The following NCOR1 variants were observed in gnomAD, a reference collection of about 807,000 sequenced individuals.
NCOR1 encodes nuclear receptor corepressor 1, also known as protein phosphatase 1, regulatory subunit 109.
In NCOR1, 63 loss-of-function variants were observed where a neutral mutation model predicts 288.1. The ratio of observed to expected loss-of-function variants is 0.22; its 90% CI spans 0.18 to 0.27. The LOEUF is 0.27. Ranked by LOEUF, NCOR1 falls within the 10% of genes least tolerant of loss-of-function variation. NCOR1 has a pLI of 1.00. For missense variants in NCOR1, 2,397 were observed against 3,019.2 expected (o/e 0.79, Z 4.83); for synonymous variants, 1,007 against 1,065.9 (o/e 0.94, Z 1.08).
At chr17:16,074,711 A>ATATTTCTCAATGTT (rs1228952302) in intron 27 of NCOR1, among the ~76,000 whole-genome samples, 2,727 of 152,302 alleles carry the variant, frequency 0.018, 85 homozygotes, top group African/African-American at 0.062. Context: ...AACTTTGGCT[A>ATATTTCTCAATGTT]ATATTTCTAT....
chr17:16,051,871 A>G (rs893691747), intron 40 of NCOR1, among the ~76,000 whole-genome samples: 5 of 151,994 alleles, frequency 3.3e-5, no homozygotes, highest in African/African-American at 9.7e-5. Flanking sequence ...AGATCGCGCC[A>G]TTGCATTCCA....
chr17:16,064,846 A>G, intron 34 of NCOR1, 24 bp downstream of exon 34: 1 of 1,538,672 alleles, frequency 6.5e-7, no homozygotes, highest in South Asian at 1.2e-5. Flanking sequence ...TCTATTAGAG[A>G]GGTGTGTAAC....
chr17:16,213,944 G>GCTAT (rs2092356071), intron 1 of NCOR1, among the ~76,000 whole-genome samples: 1 of 152,152 alleles, frequency 6.6e-6, no homozygotes, highest in South Asian at 2.1e-4. Context: ...TTTATACATA[G>GCTAT]CTATATCCAT....
intron 4 of NCOR1, 58 bp downstream of exon 4, chr17:16,171,745 A>G (rs1055077063): frequency 7.2e-7 from 1 of 1,384,168 alleles, no homozygotes; most frequent in African/African-American, 1.5e-5. Flanking sequence ...ATGCATGAGT[A>G]TAACTAAATA....
At chr17:16,135,915 A>G (rs1181975555) in intron 14 of NCOR1, among the ~76,000 whole-genome samples, 1 of 152,220 alleles carries the variant, frequency 6.6e-6, no homozygotes, top group Non-Finnish European at 1.5e-5. Flanking sequence ...GAAAACCAGA[A>G]GAGATTTAAT....
At chr17:16,095,731 G>T (rs143493691) in intron 21 of NCOR1, among the ~76,000 whole-genome samples, 2 of 127,258 alleles carry the variant, frequency 1.6e-5, no homozygotes, top group South Asian at 5.2e-4. Context: ...CCGGCCAGCC[G>T]CCCCGTCTGG....
chr17:16,190,299 G>C (rs903455874), intron 2 of NCOR1, among the ~76,000 whole-genome samples: 4 of 151,766 alleles, frequency 2.6e-5, no homozygotes, highest in African/African-American at 2.4e-5. Context: ...GAGAATTTAA[G>C]AACTCAAATA....
chr17:16,160,004 A>AT (rs1192000688), intron 5 of NCOR1, among the ~76,000 whole-genome samples: 4 of 151,772 alleles, frequency 2.6e-5, no homozygotes, highest in African/African-American at 4.8e-5. Context: ...TAATTTCTGT[A>AT]TTTTTTTAGT....
At chr17:16,084,669 T>TA (rs2063937386) in intron 23 of NCOR1, among the ~76,000 whole-genome samples, 1 of 152,168 alleles carries the variant, frequency 6.6e-6, no homozygotes, top group South Asian at 2.1e-4. Context: ...GACCCATATA[T>TA]ACTGTCAAAT....
intron 5 of NCOR1, among the ~76,000 whole-genome samples, chr17:16,159,841 CTT>C (rs776625584): frequency 9.9e-5 from 14 of 141,706 alleles, no homozygotes; most frequent in Admixed American, 1.4e-4. Flanking sequence ...TTAGGTCAAT[CTT>C]TTTTTTTTTT....
chr17:16,166,507 C>T (rs1412973505), intron 4 of NCOR1, among the ~76,000 whole-genome samples: 2 of 151,900 alleles, frequency 1.3e-5, no homozygotes, highest in Admixed American at 1.3e-4. Flanking sequence ...GGTGAAACCC[C>T]GTCTCTACTA....
At chr17:16,210,181 C>T (rs1363151042) in intron 1 of NCOR1, among the ~76,000 whole-genome samples, 3 of 151,944 alleles carry the variant, frequency 2.0e-5, no homozygotes, top group Non-Finnish European at 2.9e-5. Flanking sequence ...GTCAGGAGTT[C>T]GAGATCAGCC....
intron 40 of NCOR1, among the ~76,000 whole-genome samples, chr17:16,055,807 ATTTCT>A (rs935350602): frequency 1.4e-4 from 22 of 152,196 alleles, no homozygotes; most frequent in African/African-American, 5.1e-4. Flanking sequence ...TGATAATCAC[ATTTCT>A]TTTCTTTTTT....
At chr17:16,068,650 T>C (rs908137402) in intron 31 of NCOR1, among the ~76,000 whole-genome samples, 1 of 152,172 alleles carries the variant, frequency 6.6e-6, no homozygotes, top group African/African-American at 2.4e-5. Flanking sequence ...AATGATGTTA[T>C]TCAGGATGGT....
In NCOR1 at chr17:16,171,878, C is replaced by G. The variant is rs1169001608; in HGVS notation, c.360G>C (p.Gln120His). Residue 120 changes from glutamine to histidine, a missense_variant, in exon 4 of 46, where the codon CAG becomes CAC. Transcript: ENST00000268712. ...AAGGCAAAACCGCAGCACTGACACG[C>G]TGAAAATGAGAATCAGAAACCTGTT... ...RLEQVSDSHF[Q>H]RVSAAVLPLV... is the part of the protein sequence containing the mutation. The G allele has an allele frequency of 1.9e-6, 3 of 1,613,424 alleles. No individual in the cohort carries two copies. In the African/African-American group the frequency reaches 4.0e-5, roughly 22 times the overall value.
intron 1 of NCOR1, among the ~76,000 whole-genome samples, chr17:16,199,228 C>A (rs895490230): frequency 1.0e-4 from 15 of 147,936 alleles, no homozygotes; most frequent in African/African-American, 1.5e-4. Context: ...CACACACACA[C>A]ACACACACAC....
intron 40 of NCOR1, among the ~76,000 whole-genome samples, chr17:16,054,208 G>A (rs2059656078): frequency 6.6e-6 from 1 of 152,120 alleles, no homozygotes; most frequent in East Asian, 1.9e-4. Flanking sequence ...ATTGACAAGT[G>A]GGATCTAATT....
intron 3 of NCOR1, among the ~76,000 whole-genome samples, chr17:16,173,502 A>G (rs1230804174): frequency 1.3e-5 from 2 of 152,190 alleles, no homozygotes; most frequent in South Asian, 2.1e-4. Context: ...GTGGCACCCT[A>G]AAGAATTGGC....
intron 23 of NCOR1, among the ~76,000 whole-genome samples, 190 bp from the exon 24 acceptor site, chr17:16,080,917 A>T (rs1305704287): frequency 6.6e-6 from 1 of 152,030 alleles, no homozygotes; most frequent in Non-Finnish European, 1.5e-5. Context: ...TATAAAAAAA[A>T]TTTTAAAGGG....
Sources: allele counts gnomAD v4.1 joint callset (sites outside exome capture counted in the v4.1 genomes callset), GRCh38; gene constraint gnomAD v4.1.1; transcripts MANE v1.5; gene names NCBI Gene and HGNC (gene_info 2026-07-23, HGNC 2026-07-21).